The following H2BC4 variants were observed in gnomAD, a reference collection of about 807,000 sequenced individuals.
H2BC4 encodes the protein H2B clustered histone 4, also known as histone H2B type 1-C/E/F/G/I.
H2BC4 carries 10 observed loss-of-function variants against 6.2 expected under a neutral mutation model. That is an observed-to-expected ratio of 1.61 (90% CI 0.99 to 2.73). The LOEUF (loss-of-function observed/expected upper bound fraction) is 2.73, where lower values mean the gene tolerates loss of function less well. H2BC4 is among the 30% of genes most tolerant of loss of function. The pLI is 0.00. For missense variants in H2BC4, 176 were observed against 168.7 expected (o/e 1.04, Z -0.24); for synonymous variants, 146 against 70.7 (o/e 2.07, Z -5.35).
Position 26,123,695 on chromosome 6 carries a change from T to G in H2BC4, c.210A>C (p.Ile70=), listed in dbSNP as rs926382331. The G allele has an allele frequency of 5.6e-6, 9 of 1,614,118 alleles. No individual in the cohort carries two copies. The highest frequency in any genetic ancestry group is 7.6e-6 in the Non-Finnish European group (9 of 1,180,042). Residue 70 remains isoleucine, a synonymous_variant, in exon 1 of 1, where the codon ATA becomes ATC. Transcript: ENST00000396984. The stretch of plus-strand genomic sequence containing the variant: ...AAGCCTCGCCCGCGATGCGCTCAAA[T>G]ATGTCGTTAACGAAAGAATTCATGA... ...MGIMNSFVND[I]FERIAGEASR...
At chr6:26,116,013 G>C (rs552362675) in intron 1 of H2BC4, among the ~76,000 whole-genome samples, 39 of 152,262 alleles carry the variant, frequency 2.6e-4, no homozygotes, top group Middle Eastern at 3.4e-3. Flanking sequence ...AAGGAAGGGA[G>C]AATGGGGGGA....
At chr6:26,113,522 A>C (rs1763385241), downstream of H2BC4, among the ~76,000 whole-genome samples, 1 of 152,156 alleles carries the variant, frequency 6.6e-6, no homozygotes, top group Admixed American at 6.5e-5. Flanking sequence ...CTGGCCTTGG[A>C]TTGAGGAGAA....
At chr6:26,115,741 G>A (rs1259130903) in intron 1 of H2BC4, among the ~76,000 whole-genome samples, 2 of 152,018 alleles carry the variant, frequency 1.3e-5, no homozygotes, top group Non-Finnish European at 2.9e-5. Context: ...ATCTCACAAC[G>A]TGTATTGTTC....
chr6:26,122,386 T>G (rs1297031391), downstream of H2BC4, among the ~76,000 whole-genome samples: 1 of 152,208 alleles, frequency 6.6e-6, no homozygotes, highest in East Asian at 1.9e-4. Context: ...TTCTAGGTGC[T>G]AAAAACGTGT....
downstream of H2BC4, among the ~76,000 whole-genome samples, chr6:26,120,988 T>C (rs1397557152): frequency 2.0e-5 from 3 of 152,232 alleles, no homozygotes; most frequent in Non-Finnish European, 2.9e-5. Flanking sequence ...TCAAAAGTTA[T>C]AACAGGGCAG....
At chr6:26,118,305 A>C (rs988235830) in intron 1 of H2BC4, among the ~76,000 whole-genome samples, 1 of 151,646 alleles carries the variant, frequency 6.6e-6, no homozygotes, top group Non-Finnish European at 1.5e-5. Context: ...TTAGATGAAT[A>C]GGTCTCAAAG....
At chr6:26,115,929 T>C (rs1763412001) in intron 1 of H2BC4, among the ~76,000 whole-genome samples, 1 of 152,148 alleles carries the variant, frequency 6.6e-6, no homozygotes, top group South Asian at 2.1e-4. Context: ...TTTTTTTTTG[T>C]TCTAGCCTAC....
chr6:26,120,471 C>T (rs1763483854), downstream of H2BC4, among the ~76,000 whole-genome samples: 1 of 151,908 alleles, frequency 6.6e-6, no homozygotes, highest in Non-Finnish European at 1.5e-5. Flanking sequence ...AAGATAGTCT[C>T]AATCTTATTG....
downstream of H2BC4, among the ~76,000 whole-genome samples, chr6:26,121,023 A>C (rs909506572): frequency 5.3e-5 from 8 of 152,196 alleles, no homozygotes; most frequent in African/African-American, 1.9e-4. Flanking sequence ...TATCATCTTA[A>C]CACAGGAATA....
At chr6:26,123,411 C>G, downstream of H2BC4, 1 of 1,523,872 alleles carries the variant, frequency 6.6e-7, no homozygotes, top group South Asian at 1.3e-5. Flanking sequence ...TATTCTAATA[C>G]CCCTCCGCCG....
chr6:26,120,775 CCT>C (rs1763487451), downstream of H2BC4, among the ~76,000 whole-genome samples: 1 of 151,244 alleles, frequency 6.6e-6, no homozygotes, highest in Admixed American at 6.6e-5. Flanking sequence ...CTTTTTTTTC[CCT>C]GACTCAATAG....
chr6:26,122,316 T>C (rs1207415558), downstream of H2BC4, among the ~76,000 whole-genome samples: 1 of 152,220 alleles, frequency 6.6e-6, no homozygotes, highest in African/African-American at 2.4e-5. Context: ...TTTGTAAAAA[T>C]CTGCTTTAAC....
At chr6:26,114,013 G>A (rs1316800789), downstream of H2BC4, among the ~76,000 whole-genome samples, 5 of 152,012 alleles carry the variant, frequency 3.3e-5, no homozygotes, top group African/African-American at 1.2e-4. Context: ...TCCTGTCTAG[G>A]AATAGAGTCA....
chr6:26,113,863 CT>C (rs34825795), downstream of H2BC4, among the ~76,000 whole-genome samples: 4,837 of 146,598 alleles, frequency 0.033, 166 homozygotes, highest in African/African-American at 0.081. Flanking sequence ...CTCTCTTCCT[CT>C]TTTTTTTTTT....
At chr6:26,118,127 AGTTTTTT>A (rs1375525665) in intron 1 of H2BC4, among the ~76,000 whole-genome samples, 5 of 152,254 alleles carry the variant, frequency 3.3e-5, no homozygotes, top group East Asian at 1.9e-4. Flanking sequence ...GAGTTTGTTT[AGTTTTTT>A]GTTTTTTGTT....
At chr6:26,117,679 AC>A (rs1763441496) in intron 1 of H2BC4, among the ~76,000 whole-genome samples, 1 of 152,220 alleles carries the variant, frequency 6.6e-6, no homozygotes, top group African/African-American at 2.4e-5. Context: ...TGACTGAAAG[AC>A]ATTTAATTTT....
rs1561955360 is a variant in H2BC4 at position 26,123,498 on chromosome 6, G to GGT, written c.*24_*25dup. 1 of 1,614,022 alleles carries GGT rather than the reference G, an allele frequency of 6.2e-7. No homozygotes were observed. The highest frequency in any genetic ancestry group is 8.5e-7 in the Non-Finnish European group (1 of 1,179,970). The stretch of plus-strand genomic sequence containing the variant: ...GCTCTTAAAAGAGCCTTTGGGGTTA[G>GGT]GTGTTAAGACGCTTACTTGGAATGT... On this transcript the variant is annotated 3_prime_UTR_variant, in exon 1 of 1. Coordinates refer to ENST00000396984, the MANE Select transcript of H2BC4 (RefSeq NM_003526.3).
intron 1 of H2BC4, among the ~76,000 whole-genome samples, chr6:26,116,564 G>C (rs969002350): frequency 6.6e-6 from 1 of 152,084 alleles, no homozygotes; most frequent in Non-Finnish European, 1.5e-5. Flanking sequence ...TGGCATGGTG[G>C]TGTGCACCTG....
At chr6:26,113,764 T>A (rs538450523), downstream of H2BC4, among the ~76,000 whole-genome samples, 4 of 152,208 alleles carry the variant, frequency 2.6e-5, no homozygotes, top group East Asian at 7.7e-4. Flanking sequence ...GGCTGGATTC[T>A]GTTGAGGGCT....
Sources: allele counts gnomAD v4.1 joint callset (sites outside exome capture counted in the v4.1 genomes callset), GRCh38; gene constraint gnomAD v4.1.1; transcripts MANE v1.5; gene names NCBI Gene and HGNC (gene_info 2026-07-23, HGNC 2026-07-21).